The following OR2AT4 variants were observed in gnomAD, a reference collection of about 807,000 sequenced individuals.
The protein encoded by OR2AT4 is olfactory receptor family 2 subfamily AT member 4, also known as olfactory receptor 2AT4.
A neutral mutation model predicts 10.3 loss-of-function variants in OR2AT4; 6 were observed. The observed-to-expected ratio is 0.58, with a 90% CI of 0.32 to 1.15. The LOEUF is 1.15. OR2AT4 is among the 50% of genes most tolerant of loss of function. The probability of loss-of-function intolerance (pLI) is 0.05; values close to 1 mark genes in which losing one functional copy is unlikely to be tolerated. For missense variants in OR2AT4, 354 were observed against 393.8 expected, an observed-to-expected ratio of 0.90 and a Z score of 0.85; for synonymous variants, 145 against 159.1, an observed-to-expected ratio of 0.91 and a Z score of 0.67.
chr11:75,090,578 C>T (rs1949316486), intron 1 of OR2AT4, among the ~76,000 whole-genome samples: 1 of 152,126 alleles, frequency 6.6e-6, no homozygotes, highest in Non-Finnish European at 1.5e-5. Flanking sequence ...GATTTGGGGA[C>T]CATGATGTGG....
exon 2 of OR2AT4, chr11:75,085,339 A>G (rs1015601183): frequency 3.9e-5 from 6 of 152,152 alleles, no homozygotes; most frequent in Non-Finnish European, 5.9e-5. Flanking sequence ...AAAAATTTCT[A>G]TATCTATTAA....
At chr11:75,095,148 T>C (rs111701432) in intron 1 of OR2AT4, among the ~76,000 whole-genome samples, 30 of 152,168 alleles carry the variant, frequency 2.0e-4, no homozygotes, top group African/African-American at 7.2e-4. Flanking sequence ...CCAGAAATAG[T>C]GTCTTTTCAA....
exon 2 of OR2AT4, chr11:75,088,849 T>C: frequency 6.2e-7 from 1 of 1,613,146 alleles, no homozygotes; most frequent in East Asian, 2.2e-5. Context: ...GGGTTGAGAA[T>C]TGGTGTGAGA....
At chr11:75,091,184 G>A (rs1274357020) in intron 1 of OR2AT4, among the ~76,000 whole-genome samples, 2 of 152,210 alleles carry the variant, frequency 1.3e-5, no homozygotes, top group Non-Finnish European at 2.9e-5. Flanking sequence ...GCCTAACAAA[G>A]AGAAGGGAGG....
exon 2 of OR2AT4, chr11:75,086,790 GT>G (rs1262461842): frequency 2.6e-5 from 4 of 152,100 alleles, no homozygotes; most frequent in Non-Finnish European, 4.4e-5. Context: ...TATATAACAT[GT>G]ATCCACCATT....
At chr11:75,094,334 T>C (rs969324505) in intron 1 of OR2AT4, among the ~76,000 whole-genome samples, 6 of 152,158 alleles carry the variant, frequency 3.9e-5, no homozygotes, top group Non-Finnish European at 8.8e-5. Context: ...TCCTTCTCCA[T>C]ATATTTGGCT....
At position 75,089,533 on chromosome 11, in the gene OR2AT4, G is replaced by C. The variant is rs748190127; in HGVS notation, c.181C>G (p.His61Asp). 10 of 1,614,054 alleles carry C rather than the reference G, an allele frequency of 6.2e-6. No homozygotes were observed. In the South Asian group the frequency reaches 1.1e-4, roughly 18 times the overall value. The change falls in exon 2 of 2, where the codon CAC becomes GAC. Residue 61 changes from histidine to aspartate, a missense_variant. Coordinates refer to ENST00000641504, the Ensembl canonical transcript of OR2AT4. Reference sequence around the variant, plus strand: ...ATCAGAAAGAAGTACATGGGCTTGTGGAGGCTGGGCTCTGCCACCACGGCC... The same window carrying C: ...ATCAGAAAGAAGTACATGGGCTTGTCGAGGCTGGGCTCTGCCACCACGGCC...
In OR2AT4 at chr11:75,088,983, GAGA is replaced by G. The variant is rs1949304429; in HGVS notation, c.728_730del (p.Phe243del). The G allele has an allele frequency of 1.9e-6, 3 of 1,614,208 alleles. No individual in the cohort carries two copies. In the Admixed American group the frequency reaches 5.0e-5, roughly 27 times the overall value. ...GACCAGAAGGTGGGAGCTGCAGGTG[GAGA>G]AGGCTTTTGCCCGTCCTTCTAGGGA... On this transcript the variant is annotated inframe_deletion, in exon 2 of 2. Coordinates refer to ENST00000641504, the Ensembl canonical transcript of OR2AT4.
At chr11:75,084,446 TCAAG>T (rs1458354667) in exon 2 of OR2AT4, 2 of 152,152 alleles carry the variant, frequency 1.3e-5, no homozygotes, top group African/African-American at 2.4e-5. Flanking sequence ...CAGGAATTGA[TCAAG>T]CAGATAGAAA....
chr11:75,089,921 G>C (rs535063660), exon 2 of OR2AT4: 25 of 519,392 alleles, frequency 4.8e-5, no homozygotes, highest in African/African-American at 4.7e-4. Context: ...CGCAAAATTT[G>C]TCAAATATTG....
chr11:75,096,390 T>G (rs1949348917), intron 1 of OR2AT4, among the ~76,000 whole-genome samples: 1 of 152,188 alleles, frequency 6.6e-6, no homozygotes, highest in African/African-American at 2.4e-5. Flanking sequence ...TCTCATGATA[T>G]TCTCACCATC....
intron 1 of OR2AT4, among the ~76,000 whole-genome samples, chr11:75,093,810 C>CTTTTTTTTTTTTTTTTTTTTTTTTTTTT (rs556380402): frequency 8.1e-4 from 50 of 61,834 alleles, no homozygotes; most frequent in South Asian, 2.6e-3. Flanking sequence ...TTTTCTTTTT[C>CTTTTTTTTTTTTTTTTTTTTTTTTTTTT]TTTTTTTTTT....
exon 2 of OR2AT4, chr11:75,081,965 A>T (rs1949269173): frequency 1.3e-5 from 2 of 152,218 alleles, no homozygotes; most frequent in Admixed American, 1.3e-4. Flanking sequence ...AGCAATATAC[A>T]GATTGAATGC....
chr11:75,083,737 C>G (rs1200581264), exon 2 of OR2AT4: 1 of 151,976 alleles, frequency 6.6e-6, no homozygotes, highest in Admixed American at 6.6e-5. Flanking sequence ...TTTGGGAGGC[C>G]GAGGCTGGTG....
At chr11:75,093,204 G>T (rs1379785573) in intron 1 of OR2AT4, among the ~76,000 whole-genome samples, 1 of 152,236 alleles carries the variant, frequency 6.6e-6, no homozygotes, top group Non-Finnish European at 1.5e-5. Flanking sequence ...AGTTAAAGGT[G>T]TATTCTACCC....
intron 1 of OR2AT4, among the ~76,000 whole-genome samples, chr11:75,092,743 G>C (rs1949326038): frequency 6.6e-6 from 1 of 151,766 alleles, no homozygotes; most frequent in South Asian, 2.1e-4. Context: ...TTTGAGACCA[G>C]CCTGGGCAAC....
At chr11:75,093,368 G>C (rs1205295259) in intron 1 of OR2AT4, among the ~76,000 whole-genome samples, 1 of 152,214 alleles carries the variant, frequency 6.6e-6, no homozygotes, top group Non-Finnish European at 1.5e-5. Flanking sequence ...CAGTACTACA[G>C]GAGTCTGAAA....
chr11:75,089,184 G>C lies in OR2AT4; in HGVS notation c.530C>G (p.Ala177Gly), dbSNP rs1949307374. The C allele has an allele frequency of 5.6e-6, 9 of 1,614,038 alleles. No individual in the cohort carries two copies. In the African/African-American group the frequency reaches 1.1e-4, roughly 19 times the overall value. ...ATCACAGAAGCAGTGGTAGATGTAG[G>C]CAATGCTGTTATATGCCATCTGGGA... Residue 177 changes from alanine to glycine, a missense_variant, in exon 2 of 2, where the codon GCC becomes GGC. Ala to Gly is a moderately conservative substitution (Grantham distance 60, BLOSUM62 0). Coordinates refer to ENST00000641504, the Ensembl canonical transcript of OR2AT4.
At chr11:75,086,384 C>T (rs146202442) in exon 2 of OR2AT4, 19 of 152,178 alleles carry the variant, frequency 1.2e-4, no homozygotes, top group African/African-American at 3.6e-4. Flanking sequence ...ACACTGTAAG[C>T]GAATTCAAAG....
Sources: allele counts gnomAD v4.1 joint callset (sites outside exome capture counted in the v4.1 genomes callset), GRCh38; gene constraint gnomAD v4.1.1; transcripts MANE v1.5; gene names NCBI Gene and HGNC (gene_info 2026-07-23, HGNC 2026-07-21).